The following ZNF549 variants were observed in gnomAD, a reference collection of about 807,000 sequenced individuals.
ZNF549 encodes zinc finger protein 549.
ZNF549 carries 11 observed loss-of-function variants against 11.1 expected under a neutral mutation model. The observed-to-expected ratio is 0.99, with a 90% confidence interval of 0.62 to 1.64. The LOEUF is 1.64. Among genes scored for constraint, ZNF549 ranks in the 40% most tolerant of loss-of-function variants. ZNF549 has a pLI of 0.00. For missense variants in ZNF549, 748 were observed against 765.1 expected, an observed-to-expected ratio of 0.98 and a Z score of 0.26; for synonymous variants, 266 against 269.1, an observed-to-expected ratio of 0.99 and a Z score of 0.11.
rs571365765 is a variant in ZNF549 at position 57,539,347 on chromosome 19, G to GT, written c.*434dup. ...CCATGGAGGTTTACCTTCTTCATAG[G>GT]TTTTTTTTTTTTTTATGTGATTGCC... On this transcript the variant is annotated 3_prime_UTR_variant, in exon 4 of 4. Transcript: ENST00000376233. The GT allele has an allele frequency of 0.016, 2,420 of 146,964 alleles. 7 individuals are homozygous for GT. Among genetic ancestry groups the GT allele is most frequent in the Admixed American group, 0.026 (390 of 15,288 alleles). The allele number at this position is 146,964 out of a possible 1,614,324, so 9.1% of individuals were successfully genotyped here. A position where few individuals can be genotyped will look rare whatever the true frequency, so the allele number is the denominator to read the frequency against.
At position 57,530,154 on chromosome 19, in the gene ZNF549, A is replaced by T. The variant is rs530034514; in HGVS notation, c.34-916A>T. Among the ~76,000 whole-genome samples the T allele has an allele frequency of 2.0e-5, 3 of 152,316 alleles. No individual in the cohort carries two copies. In the East Asian group the frequency reaches 5.8e-4, roughly 29 times the overall value. On this transcript the variant is annotated intron_variant, in intron 1 of 3. Transcript: ENST00000376233. ...AGGTGGAGTCTCTAGATAGCCTCAG[A>T]GTGGAGTCAGTCACCAGAAAAATCA...
chr19:57,535,171 G>A lies in ZNF549; in HGVS notation c.100G>A (p.Val34Met), dbSNP rs1243697775. The A allele has an allele frequency of 6.2e-7, 1 of 1,614,118 alleles. No homozygotes were observed. The highest frequency in any genetic ancestry group is 8.5e-7 in the Non-Finnish European group (1 of 1,179,974). The part of the protein sequence containing the change: ...QGHVTFEDIA[V>M]YFSQEEWGLL... ...CCATGTGACCTTTGAGGATATTGCT[G>A]TGTACTTCTCCCAGGAGGAGTGGGG... Residue 34 changes from valine to methionine, a missense_variant, in exon 3 of 4, where the codon GTG (valine) becomes ATG (methionine). Physicochemically the swap from Val to Met is conservative, Grantham distance 21 (BLOSUM62 1). Transcript: ENST00000376233.
At chr19:57,535,396 G>A (rs1373852812) in intron 3 of ZNF549, 126 bp downstream of exon 3, 2 of 1,360,110 alleles carry the variant, frequency 1.5e-6, no homozygotes, top group East Asian at 4.6e-5. Context: ...CTTGACCTGT[G>A]GAAGACATAG....
chr19:57,527,525 C>G lies in ZNF549; in HGVS notation c.-49C>G, dbSNP rs911299189. On this transcript the variant is annotated 5_prime_UTR_variant, in exon 1 of 4. It adds an upstream start codon to the 5' untranslated region. Transcript: ENST00000376233. Reference sequence around the variant, plus strand: ...ATTTGCCACCGCACGCACGCCGGATCCCGGGCTTTACCGCCCGCCTTTCCA... The same window carrying G: ...ATTTGCCACCGCACGCACGCCGGATGCCGGGCTTTACCGCCCGCCTTTCCA... 6.2e-7 allele frequency: 1 copy of G among 1,611,648 alleles called. No homozygotes were observed. The highest frequency in any genetic ancestry group is 8.5e-7 in the Non-Finnish European group (1 of 1,179,350).
chr19:57,538,375 G>A lies in ZNF549; in HGVS notation c.1371G>A (p.Ser457=), dbSNP rs139486532. 325 of 1,612,632 alleles carry A rather than the reference G, an allele frequency of 2.0e-4. 1 individual carries two copies. The African/African-American group carries it at 2.6e-3, about 13-fold the overall frequency. Residue 457 remains serine (S), a synonymous_variant, in exon 4 of 4, where the codon TCG becomes TCA. Coordinates refer to ENST00000376233, the MANE Select transcript of ZNF549 (RefSeq NM_001199295.2). The part of the protein sequence containing the change: ...CIICGKSFIR[S]SDYMRHQRIH... ...TATGTGGGAAATCATTTATCCGCTC[G>A]TCTGACTACATGCGACACCAGAGAA... is the stretch of plus-strand genomic sequence containing the variant.
At chr19:57,535,013 C>G in intron 2 of ZNF549, 131 bp from the exon 3 acceptor site, 1 of 1,215,932 alleles carries the variant, frequency 8.2e-7, no homozygotes, top group Non-Finnish European at 1.1e-6. Flanking sequence ...TGATGTAAGG[C>G]CCAGAGCCCA....
intron 1 of ZNF549, among the ~76,000 whole-genome samples, chr19:57,527,893 A>G (rs1366256919): frequency 6.6e-6 from 1 of 152,210 alleles, no homozygotes; most frequent in Admixed American, 6.5e-5. Context: ...CACGGCTGCC[A>G]TGGCAGCCTG....
chr19:57,531,580 C>T (rs1160859225), intron 2 of ZNF549, among the ~76,000 whole-genome samples: 4 of 152,152 alleles, frequency 2.6e-5, no homozygotes, highest in Non-Finnish European at 5.9e-5. Flanking sequence ...AAGTACTTCA[C>T]AGGTTGTCTT....
chr19:57,533,271 A>G (rs1450533242), intron 2 of ZNF549, among the ~76,000 whole-genome samples: 2 of 152,130 alleles, frequency 1.3e-5, no homozygotes, highest in Non-Finnish European at 2.9e-5. Context: ...GTTCCTCTTG[A>G]CTGAAATTCA....
chr19:57,538,495 A>T lies in ZNF549; in HGVS notation c.1491A>T (p.Arg497Ser), dbSNP rs769333337. ...TTAAGCATCACAAAATCCACACTAG[A>T]GAAAGGCCTTATGAATGCAGTGAAT... The part of the protein sequence containing the change: ...TLLKHHKIHT[R>S]ERPYECSECG... The change falls in exon 4 of 4, where the codon AGA becomes AGT. Residue 497 changes from arginine to serine, a missense_variant. Physicochemically the swap from Arg to Ser is moderately radical, Grantham distance 110 (BLOSUM62 -1). Transcript: ENST00000376233. 6.2e-7 allele frequency: 1 copy of T among 1,614,206 alleles called. No individual in the cohort carries two copies. The highest frequency in any genetic ancestry group is 1.1e-5 in the South Asian group (1 of 91,076).
intron 2 of ZNF549, 111 bp downstream of exon 2, chr19:57,531,219 G>A (rs957826251): frequency 8.7e-7 from 1 of 1,152,534 alleles, no homozygotes; most frequent in Non-Finnish European, 1.3e-6. Context: ...CTTCATCTTG[G>A]GTCCCTGGGG....
Position 57,537,249 on chromosome 19 carries a change from C to T in ZNF549, c.245C>T (p.Thr82Ile), listed in dbSNP as rs149291938. 8.1e-5 allele frequency: 130 copies of T among 1,614,052 alleles called. No individual in the cohort carries two copies. Among genetic ancestry groups the T allele is most frequent in the Middle Eastern group, 1.6e-4 (1 of 6,082 alleles). Residue 82 changes from threonine (T) to isoleucine (I), a missense_variant, in exon 4 of 4, where the codon ACT (threonine) becomes ATT (isoleucine). Transcript: ENST00000376233. ...GCTGAGGAGGCCCCTTCTGAGCAGA[C>T]TCTTTCTGCGCAAGGAGTGTCACAG... ...IEAEEAPSEQTLSAQGVSQAR... is the reference protein window; with the variant it reads ...IEAEEAPSEQILSAQGVSQAR...
At chr19:57,535,115 T>C (rs1393873100) in intron 2 of ZNF549, 29 bp from the exon 3 acceptor site, 1 of 1,609,944 alleles carries the variant, frequency 6.2e-7, no homozygotes, top group Non-Finnish European at 8.5e-7. Flanking sequence ...TTGAGTCTGC[T>C]CATGATTTCA....
intron 1 of ZNF549, among the ~76,000 whole-genome samples, chr19:57,528,062 G>T (rs982689017): frequency 6.6e-6 from 1 of 152,202 alleles, no homozygotes; most frequent in Admixed American, 6.5e-5. Context: ...AGGGATACTG[G>T]TGAGGAGACT....
chr19:57,536,330 A>T (rs530807361), intron 3 of ZNF549, among the ~76,000 whole-genome samples: 1 of 152,308 alleles, frequency 6.6e-6, no homozygotes, highest in Non-Finnish European at 1.5e-5. Context: ...TCAGTTGTTT[A>T]GCCTGGTGAT....
Position 57,538,798 on chromosome 19 carries a change from C to G in ZNF549, c.1794C>G (p.Asn598Lys), listed in dbSNP as rs2089941011. 1.9e-6 allele frequency: 3 copies of G among 1,614,122 alleles called. No individual in the cohort carries two copies. The highest frequency in any genetic ancestry group is 2.5e-6 in the Non-Finnish European group (3 of 1,180,012). ...TACEKAFIYK[N>K]KLVEHQRIHT... ...GTGAGAAGGCCTTTATCTATAAAAA[C>G]AAACTTGTTGAGCATCAGCGAATCC... The change falls in exon 4 of 4, where the codon AAC (asparagine) becomes AAG (lysine). Residue 598 changes from asparagine to lysine, a missense_variant. Transcript: ENST00000376233.
rs962007980 is a variant in ZNF549 at position 57,538,125 on chromosome 19, A to G, written c.1121A>G (p.Tyr374Cys). 14 of 1,614,046 alleles carry G rather than the reference A, an allele frequency of 8.7e-6. No individual in the cohort carries two copies. Among genetic ancestry groups the G allele is most frequent in the Non-Finnish European group, 1.2e-5 (14 of 1,180,032 alleles). Residue 374 changes from tyrosine to cysteine, a missense_variant, in exon 4 of 4, where the codon TAT (tyrosine) becomes TGT (cysteine). Tyr to Cys is a radical substitution (Grantham distance 194). Transcript: ENST00000376233. ...MECGKSFIHS[Y>C]DRIRHQRVHT... ...TGTGGGAAATCTTTTATTCATTCCTATGACCGCATTCGACACCAGAGAGTT... is the reference window on the plus strand; with the variant it reads ...TGTGGGAAATCTTTTATTCATTCCTGTGACCGCATTCGACACCAGAGAGTT...
intron 3 of ZNF549, among the ~76,000 whole-genome samples, chr19:57,536,945 A>C (rs1005733183): frequency 6.6e-6 from 1 of 152,150 alleles, no homozygotes; most frequent in African/African-American, 2.4e-5. Flanking sequence ...TCTAAAAAAA[A>C]ATTAGCCAGG....
chr19:57,536,627 A>G (rs1015304377), intron 3 of ZNF549, among the ~76,000 whole-genome samples: 2 of 152,052 alleles, frequency 1.3e-5, no homozygotes, highest in Admixed American at 1.3e-4. Flanking sequence ...TCCTATTGAA[A>G]ACCATTGACA....
Sources: gnomAD v4.1 joint callset for allele counts (sites outside exome capture counted in the v4.1 genomes callset) on GRCh38, gnomAD v4.1.1 for gene constraint, MANE v1.5 for transcripts, NCBI Gene and HGNC (gene_info 2026-07-23, HGNC 2026-07-21) for gene names.